Variants in CEBPG observed in about 807,000 individuals in gnomAD.
CEBPG encodes the protein CCAAT/enhancer-binding protein gamma.
A neutral mutation model predicts 11.1 loss-of-function variants in CEBPG; 6 were observed. The observed-to-expected ratio is 0.54, with a 90% CI of 0.30 to 1.07. CEBPG has a LOEUF of 1.07. Ranked by LOEUF, CEBPG falls within the 50% of genes least tolerant of loss-of-function variation. The pLI is 0.07. For synonymous variants in CEBPG, 66 were observed against 71.0 expected (o/e 0.93, Z 0.36); for missense variants, 161 against 187.4 (o/e 0.86, Z 0.82).
chr19:33,381,375 A>C lies in CEBPG; in HGVS notation c.*1683A>C, dbSNP rs1268452749. 6.0e-6 allele frequency: 1 copy of C among 167,106 alleles called. No homozygotes were observed. Among genetic ancestry groups the C allele is most frequent in the Non-Finnish European group, 1.5e-5 (1 of 68,142 alleles). The allele number at this position is 167,106 out of a possible 1,614,324, so 10.4% of individuals were successfully genotyped here. ...GCAACTCAGCAAAGCCATTCTTAAGAGTCGTGAGGTCCTTCTGAATGTAAA... is the reference window on the plus strand; with the variant it reads ...GCAACTCAGCAAAGCCATTCTTAAGCGTCGTGAGGTCCTTCTGAATGTAAA... On this transcript the variant is annotated 3_prime_UTR_variant, in exon 2 of 2. Transcript: ENST00000284000.
In CEBPG at chr19:33,379,577, A is replaced by G; in HGVS notation, c.338A>G (p.Lys113Arg). ...GAAGCAAAAATCAAATTGCTGACCAAGGAATTAAGTGTACTCAAAGATTTG... is the reference window on the plus strand; with the variant it reads ...GAAGCAAAAATCAAATTGCTGACCAGGGAATTAAGTGTACTCAAAGATTTG... ...RLEAKIKLLT[K>R]ELSVLKDLFL... Residue 113 changes from lysine to arginine, a missense_variant, in exon 2 of 2, where the codon AAG becomes AGG. By Grantham distance (26) the Lys-to-Arg change is conservative. Transcript: ENST00000284000. 4 of 1,614,120 alleles carry G rather than the reference A, an allele frequency of 2.5e-6. No individual in the cohort carries two copies. Among genetic ancestry groups the G allele is most frequent in the Non-Finnish European group, 3.4e-6 (4 of 1,179,980 alleles).
In CEBPG at chr19:33,379,593, C is replaced by G. The variant is rs202005518; in HGVS notation, c.354C>G (p.Leu118=). 1.5e-4 allele frequency: 245 copies of G among 1,613,946 alleles called. No individual in the cohort carries two copies. Among genetic ancestry groups the G allele is most frequent in the Non-Finnish European group, 1.9e-4 (228 of 1,179,998 alleles). ...IKLLTKELSV[L]KDLFLEHAHN... ...TGCTGACCAAGGAATTAAGTGTACT[C>G]AAAGATTTGTTTCTTGAGCATGCAC... The change falls in exon 2 of 2, where the codon CTC becomes CTG. Residue 118 remains leucine (L), a synonymous_variant. Coordinates refer to ENST00000284000, the MANE Select transcript of CEBPG (RefSeq NM_001806.4).
intron 1 of CEBPG, 33 bp from the exon 2 acceptor site, chr19:33,379,111 C>T (rs1363128555): frequency 3.8e-6 from 3 of 785,378 alleles, no homozygotes; most frequent in African/African-American, 1.7e-5. Context: ...CCTGTCATTT[C>T]AAATATTTTA....
At chr19:33,377,712 A>G (rs918787431) in intron 1 of CEBPG, among the ~76,000 whole-genome samples, 1 of 152,214 alleles carries the variant, frequency 6.6e-6, no homozygotes, top group African/African-American at 2.4e-5. Context: ...GATCGCCCTC[A>G]TGGTTTGGAG....
chr19:33,377,314 AGG>A (rs1967923116), intron 1 of CEBPG, among the ~76,000 whole-genome samples: 1 of 152,230 alleles, frequency 6.6e-6, no homozygotes, highest in African/African-American at 2.4e-5. Context: ...AAACTAAAAT[AGG>A]GGGAGCCACA....
At chr19:33,375,299 C>G (rs537762488) in intron 1 of CEBPG, among the ~76,000 whole-genome samples, 3 of 152,084 alleles carry the variant, frequency 2.0e-5, no homozygotes, top group Admixed American at 6.5e-5. Flanking sequence ...ATGTGCTGAG[C>G]CCCTGGTAAA....
At position 33,382,229 on chromosome 19, in the gene CEBPG, GC is replaced by G. The variant is rs1967998856; in HGVS notation, c.*2541del. On this transcript the variant is annotated 3_prime_UTR_variant, in exon 2 of 2. Transcript: ENST00000284000. Reference sequence around the variant, plus strand: ...ATCAGAGCAGCTCTTCCTGCTGCTGGCCCCTGCAATCAGTTGTTGGGATGCC... The same window carrying G: ...ATCAGAGCAGCTCTTCCTGCTGCTGGCCCTGCAATCAGTTGTTGGGATGCC... The G allele has an allele frequency of 6.0e-6, 1 of 167,104 alleles. No homozygotes were observed. Among genetic ancestry groups the G allele is most frequent in the Admixed American group, 6.5e-5 (1 of 15,288 alleles). 10.4% of individuals were successfully genotyped at this position (167,104 alleles called of 1,614,324 possible).
chr19:33,374,456 A>G (rs987990794), intron 1 of CEBPG: 1 of 152,210 alleles, frequency 6.6e-6, no homozygotes, highest in Admixed American at 6.5e-5. Flanking sequence ...TTGCAGAGAT[A>G]ATATTTTGCT....
At position 33,381,620 on chromosome 19, in the gene CEBPG, T is replaced by G. The variant is rs1600065642; in HGVS notation, c.*1928T>G. On this transcript the variant is annotated 3_prime_UTR_variant, in exon 2 of 2. Transcript: ENST00000284000. ...GTTACATAATTAACTTAATTGGAGA[T>G]GCATTAGGTCACTTGAATGTATAAG... The G allele has an allele frequency of 1.2e-5, 2 of 167,100 alleles. No homozygotes were observed. The highest frequency in any genetic ancestry group is 1.9e-4 in the East Asian group (1 of 5,204). The allele number at this position is 167,100 out of a possible 1,614,324, so 10.4% of individuals were successfully genotyped here.
chr19:33,378,704 TG>T (rs1228519847), intron 1 of CEBPG, among the ~76,000 whole-genome samples: 1 of 152,228 alleles, frequency 6.6e-6, no homozygotes, highest in Non-Finnish European at 1.5e-5. Context: ...ATGAGAGCGC[TG>T]GAGACAGGGT....
rs1003729640 is a variant in CEBPG, at chr19:33,381,896, A to G, written c.*2204A>G. ...GAAGCAAGCAATTAGGCAGAGAACA[A>G]AAATGTTAAGCATGGTGTTGTCTAT... On this transcript the variant is annotated 3_prime_UTR_variant, in exon 2 of 2. Transcript: ENST00000284000. 5.4e-5 allele frequency: 9 copies of G among 167,134 alleles called. No homozygotes were observed. The highest frequency in any genetic ancestry group is 2.2e-4 in the African/African-American group (9 of 41,474). The allele number at this position is 167,134 out of a possible 1,614,324, so 10.4% of individuals were successfully genotyped here.
rs145645932 is a variant in CEBPG, at chr19:33,379,131, A to AT, written c.-96-7dup. 3.2e-6 allele frequency: 3 copies of AT among 930,938 alleles called. No homozygotes were observed. The highest frequency in any genetic ancestry group is 4.7e-6 in the Non-Finnish European group (3 of 638,656). 57.7% of individuals were successfully genotyped at this position (930,938 alleles called of 1,614,324 possible). The stretch of plus-strand genomic sequence containing the variant: ...CATTTCAAATATTTTAATGCAATTT[A>AT]TTTTTTAACTAGGTACATGTGAAGA... On this transcript the variant is annotated splice_polypyrimidine_tract_variant and intron_variant, in intron 1 of 1. Coordinates refer to ENST00000284000, the MANE Select transcript of CEBPG (RefSeq NM_001806.4).
chr19:33,377,908 A>G (rs1967930998), intron 1 of CEBPG, among the ~76,000 whole-genome samples: 1 of 152,194 alleles, frequency 6.6e-6, no homozygotes, highest in Admixed American at 6.5e-5. Flanking sequence ...GGGTGTAGCT[A>G]CTGGTGTTTG....
In CEBPG at chr19:33,381,446, A is replaced by G. The variant is rs1467478359; in HGVS notation, c.*1754A>G. On this transcript the variant is annotated 3_prime_UTR_variant, in exon 2 of 2. Coordinates refer to ENST00000284000, the MANE Select transcript of CEBPG (RefSeq NM_001806.4). ...GTCCCAGGAGGGCTGTTAACTCCCT[A>G]TAGAGCCAGGAGACAGGATAGGGGT... 3.0e-5 allele frequency: 5 copies of G among 167,036 alleles called. No individual in the cohort carries two copies. Among genetic ancestry groups the G allele is most frequent in the Non-Finnish European group, 5.9e-5 (4 of 68,132 alleles). 10.3% of individuals were successfully genotyped at this position (167,036 alleles called of 1,614,324 possible). A position where few individuals can be genotyped will look rare whatever the true frequency, so the allele number is the denominator to read the frequency against.
At chr19:33,376,339 G>T (rs1967911967) in intron 1 of CEBPG, among the ~76,000 whole-genome samples, 1 of 152,180 alleles carries the variant, frequency 6.6e-6, no homozygotes. Context: ...TGCGCTTTCA[G>T]TGTGACTGAC....
At chr19:33,377,370 G>A (rs995633344) in intron 1 of CEBPG, among the ~76,000 whole-genome samples, 2 of 152,178 alleles carry the variant, frequency 1.3e-5, no homozygotes, top group Non-Finnish European at 2.9e-5. Flanking sequence ...TACCGCTTTG[G>A]ATCATTGCTA....
At chr19:33,378,851 G>A (rs1352542701) in intron 1 of CEBPG, among the ~76,000 whole-genome samples, 2 of 152,176 alleles carry the variant, frequency 1.3e-5, no homozygotes, top group African/African-American at 2.4e-5. Flanking sequence ...GTTCACATGC[G>A]CCACCTAATT....
intron 1 of CEBPG, among the ~76,000 whole-genome samples, chr19:33,374,978 C>G (rs1967895357): frequency 6.6e-6 from 1 of 152,198 alleles, no homozygotes; most frequent in South Asian, 2.1e-4. Flanking sequence ...ATGTGGTCAT[C>G]TGTTAGCCCT....
chr19:33,375,287 C>T (rs2145308878), intron 1 of CEBPG, among the ~76,000 whole-genome samples: 1 of 152,294 alleles, frequency 6.6e-6, no homozygotes, highest in South Asian at 2.1e-4. Flanking sequence ...AAATTAAACA[C>T]TATGTGCTGA....
Sources: allele counts gnomAD v4.1 joint callset (sites outside exome capture counted in the v4.1 genomes callset), GRCh38; gene constraint gnomAD v4.1.1; transcripts MANE v1.5; gene names NCBI Gene and HGNC (gene_info 2026-07-23, HGNC 2026-07-21).